Variants in RELN observed in about 807,000 individuals in gnomAD.
The protein encoded by RELN is reelin.
In RELN, 108 loss-of-function variants were observed where a neutral mutation model predicts 427.6. The observed-to-expected ratio is 0.25, with a 90% CI of 0.22 to 0.30. The LOEUF is 0.30. Ranked by LOEUF, RELN falls within the 10% of genes least tolerant of loss-of-function variation. RELN has a pLI of 1.00. For missense variants in RELN, 3,715 were observed against 4,302.8 expected (o/e 0.86, Z 3.82); for synonymous variants, 1,524 against 1,513.4 (o/e 1.01, Z -0.16).
chr7:103,890,557 C>T (rs202152459), intron 2 of RELN, among the ~76,000 whole-genome samples: 1 of 135,382 alleles, frequency 7.4e-6, no homozygotes, highest in East Asian at 2.1e-4. Flanking sequence ...AATCATCCCC[C>T]AAACCATCCC....
Position 103,989,353 on chromosome 7 carries a change from C to G in RELN, c.4G>C (p.Glu2Gln), listed in dbSNP as rs754706510. 4.1e-6 allele frequency: 6 copies of G among 1,473,860 alleles called. No homozygotes were observed. The South Asian group carries it at 8.4e-5, about 21-fold the overall frequency. The allele number at this position is 1,473,860 out of a possible 1,614,324, so 91.3% of individuals were successfully genotyped here. A position where few individuals can be genotyped will look rare whatever the true frequency, so the allele number is the denominator to read the frequency against. The change falls in exon 1 of 65, where the codon GAG becomes CAG. Residue 2 changes from glutamate to glutamine, a missense_variant. Around this residue, in one of 4 missense-constraint regions of RELN, gnomAD observed 2,208 missense variants for 2,361.7 expected, o/e 0.93. Transcript: ENST00000428762. This position sits in a 1 kb window ranked among gnomAD's most constrained non-coding sequence, Gnocchi z 4.9. Reference sequence around the variant, plus strand: ...GTCTGCCGGGCCCAGCCACTGCGCTCCATGCCGCCGCCGCCGCCGCCGCCG... The same window carrying G: ...GTCTGCCGGGCCCAGCCACTGCGCTGCATGCCGCCGCCGCCGCCGCCGCCG... Reference protein sequence around the residue: MERSGWARQTFL... With the variant: MQRSGWARQTFL...
In RELN at chr7:103,968,197, TC is replaced by T. The variant is rs1259331221; in HGVS notation, c.226+20933del. On this transcript the variant is annotated intron_variant, in intron 1 of 64. Coordinates refer to ENST00000428762, the MANE Select transcript of RELN (RefSeq NM_005045.4). The surrounding 1 kb of genome is among the most constrained non-coding windows in gnomAD (Gnocchi z 4.3). The stretch of plus-strand genomic sequence containing the variant: ...GATTTTAAAGGAAAATAAATAATTT[TC>T]CCCCAAACAAGAAAAATATATTGGG... Among the ~76,000 whole-genome samples the T allele has an allele frequency of 6.6e-6, 1 of 151,974 alleles. No individual in the cohort carries two copies.
chr7:103,910,913 T>G (rs906618804), intron 2 of RELN, among the ~76,000 whole-genome samples: 5 of 138,694 alleles, frequency 3.6e-5, no homozygotes, highest in Non-Finnish European at 6.0e-5. Flanking sequence ...GAAGAAAACC[T>G]AGGCATTACT....
rs751150431 is a variant in RELN at position 103,824,857 on chromosome 7, A to C, written c.473+8680T>G. On this transcript the variant is annotated intron_variant, in intron 3 of 64. Coordinates refer to ENST00000428762, the MANE Select transcript of RELN (RefSeq NM_005045.4). This position sits in a 1 kb window ranked among gnomAD's most constrained non-coding sequence, Gnocchi z 4.4. ...TATTCCAAGCATCTCTCATTGCTAT[A>C]CTATCTTCATAAATACTAATTTTTA... Among the ~76,000 whole-genome samples, 1 of 152,022 alleles carries C rather than the reference A, an allele frequency of 6.6e-6. No individual in the cohort carries two copies. The highest frequency in any genetic ancestry group is 1.5e-5 in the Non-Finnish European group (1 of 67,996).
intron 8 of RELN, among the ~76,000 whole-genome samples, chr7:103,719,049 G>C (rs1411770512): frequency 6.6e-6 from 1 of 152,072 alleles, no homozygotes; most frequent in Non-Finnish European, 1.5e-5. Flanking sequence ...TTCTTTTGCA[G>C]ACCTCTATTA....
intron 1 of RELN, among the ~76,000 whole-genome samples, chr7:103,970,017 C>T (rs555322977): frequency 6.6e-5 from 10 of 152,300 alleles, no homozygotes; most frequent in Admixed American, 2.0e-4. Flanking sequence ...CATTTGAAGA[C>T]ATGTACATGC....
rs189642078 is a variant in RELN at position 103,475,857 on chromosome 7, T to C, written c.10286+2532A>G. 9.2e-5 allele frequency among the ~76,000 whole-genome samples: 14 copies of C among 152,288 alleles called. No individual in the cohort carries two copies. The East Asian group carries it at 9.7e-4, about 11-fold the overall frequency. The stretch of plus-strand genomic sequence containing the variant: ...AAGCTTAAAACCAATTTAGGGGACA[T>C]TTTGAATCACTGGATGTTCTTTTTT... On this transcript the variant is annotated intron_variant, in intron 64 of 64. Coordinates refer to ENST00000428762, the MANE Select transcript of RELN (RefSeq NM_005045.4).
chr7:103,909,697 AT>A (rs1205670563), intron 2 of RELN, among the ~76,000 whole-genome samples: 1 of 64,468 alleles, frequency 1.6e-5, no homozygotes, highest in African/African-American at 8.1e-5. Flanking sequence ...AAATATATAT[AT>A]TTAATATATA....
intron 8 of RELN, among the ~76,000 whole-genome samples, chr7:103,718,350 A>G (rs1355353): frequency 0.24 from 35,325 of 146,904 alleles, 4,389 homozygotes; most frequent in South Asian, 0.38. Context: ...AAAAAAAAAA[A>G]TTAAACACAC....
chr7:103,888,884 C>T (rs530537591), intron 2 of RELN, among the ~76,000 whole-genome samples: 7 of 152,264 alleles, frequency 4.6e-5, no homozygotes, highest in South Asian at 2.1e-4. Context: ...ACTACATCTC[C>T]GGATGACTCC....
At chr7:103,647,588 T>C (rs913654485) in intron 16 of RELN, among the ~76,000 whole-genome samples, 3 of 150,864 alleles carry the variant, frequency 2.0e-5, no homozygotes, top group Non-Finnish European at 4.4e-5. Flanking sequence ...CCTATACTCA[T>C]GGATTAGAAG....
chr7:103,833,134 A>C (rs73712254), intron 3 of RELN, among the ~76,000 whole-genome samples: 1,544 of 152,210 alleles, frequency 0.01, 27 homozygotes, highest in African/African-American at 0.035. Flanking sequence ...AATCTCTTTT[A>C]GCAATTTTGA....
intron 3 of RELN, among the ~76,000 whole-genome samples, chr7:103,809,969 TTGTG>T (rs1460273398): frequency 1.3e-5 from 2 of 152,202 alleles, no homozygotes; most frequent in Non-Finnish European, 2.9e-5. Context: ...AAGTTTTCTC[TTGTG>T]TGCAGTGGAA....
intron 8 of RELN, among the ~76,000 whole-genome samples, chr7:103,719,320 C>T (rs1790017569): frequency 6.6e-6 from 1 of 152,096 alleles, no homozygotes; most frequent in African/African-American, 2.4e-5. Flanking sequence ...TTTCCCTGTC[C>T]TTTCAAGTGA....
chr7:103,779,744 G>A (rs1022607213), intron 3 of RELN, among the ~76,000 whole-genome samples: 2 of 152,058 alleles, frequency 1.3e-5, no homozygotes, highest in Non-Finnish European at 2.9e-5. Flanking sequence ...CTTTCTTTCT[G>A]TTGAGATGGA....
chr7:103,573,642 T>C lies in RELN; in HGVS notation c.4511+450A>G, dbSNP rs1830932427. ...ATCTTAAAAACCAAACAGTTCTTTA[T>C]TTTACCAGTAGGTGTCAGTGTAGGC... On this transcript the variant is annotated intron_variant, in intron 30 of 64. Transcript: ENST00000428762. This position sits in a 1 kb window ranked among gnomAD's most constrained non-coding sequence, Gnocchi z 4.4. 1.3e-5 allele frequency among the ~76,000 whole-genome samples: 2 copies of C among 152,258 alleles called. No homozygotes were observed. Among genetic ancestry groups the C allele is most frequent in the Non-Finnish European group, 2.9e-5 (2 of 68,046 alleles).
intron 2 of RELN, among the ~76,000 whole-genome samples, chr7:103,843,116 G>A (rs1793593058): frequency 6.6e-6 from 1 of 152,158 alleles, no homozygotes; most frequent in African/African-American, 2.4e-5. Context: ...GGGTAGCTGT[G>A]AAGAGTAAGT....
intron 2 of RELN, among the ~76,000 whole-genome samples, chr7:103,847,226 T>C (rs1793701353): frequency 6.6e-6 from 1 of 152,184 alleles, no homozygotes; most frequent in Non-Finnish European, 1.5e-5. Context: ...ACACCTGGAA[T>C]ACTATGCAGC....
Position 103,622,966 on chromosome 7 carries a change from T to C in RELN, c.2702+6974A>G, listed in dbSNP as rs144353479. ...TCAATAAATAGCTGAATGTATAAAT[T>C]AGTCTATCAATAAATGAAAAACTTC... On this transcript the variant is annotated intron_variant, in intron 20 of 64. Coordinates refer to ENST00000428762, the MANE Select transcript of RELN (RefSeq NM_005045.4). Among the ~76,000 whole-genome samples the C allele has an allele frequency of 7.4e-3, 1,123 of 152,318 alleles. 8 individuals carry two copies. The highest frequency in any genetic ancestry group is 0.011 in the Non-Finnish European group (745 of 68,026).
Sources: gnomAD v4.1 joint callset for allele counts (sites outside exome capture counted in the v4.1 genomes callset) on GRCh38, gnomAD v4.1.1 for gene constraint, gnomAD v4.1.1 regional missense constraint, Gnocchi (gnomAD v3.1) non-coding constraint, MANE v1.5 for transcripts, NCBI Gene and HGNC (gene_info 2026-07-23, HGNC 2026-07-21) for gene names.